TUBGCP3: variants seen among roughly 807,000 people sequenced by gnomAD.
TUBGCP3 encodes gamma-tubulin complex component 3.
A neutral mutation model predicts 123.1 loss-of-function variants in TUBGCP3; 50 were observed. The ratio of observed to expected loss-of-function variants is 0.41; its 90% CI spans 0.32 to 0.51. The LOEUF (loss-of-function observed/expected upper bound fraction) is 0.51. TUBGCP3 is among the 20% of genes least tolerant of loss of function. The pLI is 0.36. For missense variants in TUBGCP3, 882 were observed against 1,127.0 expected (o/e 0.78, Z 3.11); for synonymous variants, 405 against 413.9 (o/e 0.98, Z 0.26).
chr13:112,542,741 C>T (rs751588364), intron 11 of TUBGCP3, among the ~76,000 whole-genome samples: 9 of 152,090 alleles, frequency 5.9e-5, no homozygotes, highest in Non-Finnish European at 1.2e-4. Flanking sequence ...GATGGGTACA[C>T]AATAGGGGTA....
intron 5 of TUBGCP3, among the ~76,000 whole-genome samples, chr13:112,557,514 T>G (rs1880139375): frequency 6.6e-6 from 1 of 152,262 alleles, no homozygotes; most frequent in African/African-American, 2.4e-5. Flanking sequence ...TTAATGCGAT[T>G]TCCGGGAACC....
At chr13:112,573,532 T>G (rs573246978) in intron 1 of TUBGCP3, among the ~76,000 whole-genome samples, 1 of 152,016 alleles carries the variant, frequency 6.6e-6, no homozygotes, top group East Asian at 1.9e-4. Context: ...CAGGAAAAAA[T>G]CCAGGCTCTC....
chr13:112,547,125 C>T, intron 10 of TUBGCP3: 1 of 273,778 alleles, frequency 3.7e-6, no homozygotes, highest in Non-Finnish European at 6.8e-6. Context: ...GCAAGACATG[C>T]AAATATGGGA....
chr13:112,503,548 A>T (rs987014240), intron 19 of TUBGCP3, among the ~76,000 whole-genome samples: 1 of 151,972 alleles, frequency 6.6e-6, no homozygotes, highest in Non-Finnish European at 1.5e-5. Context: ...GTGTATTTTT[A>T]GTAGAGACAG....
In TUBGCP3 at chr13:112,524,058, C is replaced by T. The variant is rs1226949310; in HGVS notation, c.1556-1549G>A. ...AGCAGCGTCAGCAGCAGCAGCGCCCCGTCACCCTCAGCATCTGCAGGGGAC... is the reference window on the plus strand; with the variant it reads ...AGCAGCGTCAGCAGCAGCAGCGCCCTGTCACCCTCAGCATCTGCAGGGGAC... On this transcript the variant is annotated intron_variant, in intron 13 of 21. Coordinates refer to ENST00000261965, the MANE Select transcript of TUBGCP3 (RefSeq NM_006322.6). This position sits in a 1 kb window ranked among gnomAD's most constrained non-coding sequence, Gnocchi z 4.4. Among the ~76,000 whole-genome samples the T allele has an allele frequency of 6.6e-6, 1 of 152,150 alleles. No homozygotes were observed. Among genetic ancestry groups the T allele is most frequent in the African/African-American group, 2.4e-5 (1 of 41,428 alleles).
At chr13:112,523,533 G>C (rs573828945) in intron 13 of TUBGCP3, among the ~76,000 whole-genome samples, 2 of 152,306 alleles carry the variant, frequency 1.3e-5, no homozygotes, top group East Asian at 3.9e-4. Context: ...CGACACCACG[G>C]AACCCCTTGA....
intron 1 of TUBGCP3, 138 bp downstream of exon 1, chr13:112,587,767 A>G: frequency 1.5e-6 from 1 of 669,384 alleles, no homozygotes; most frequent in Non-Finnish European, 2.2e-6. Flanking sequence ...TCCGGGCCCC[A>G]CGTCCTCGGC....
At chr13:112,535,302 A>G (rs1296206733) in intron 11 of TUBGCP3, among the ~76,000 whole-genome samples, 2 of 152,196 alleles carry the variant, frequency 1.3e-5, no homozygotes, top group Non-Finnish European at 1.5e-5. Flanking sequence ...TTGGGTATAT[A>G]CCTAGGAGTA....
intron 11 of TUBGCP3, among the ~76,000 whole-genome samples, chr13:112,542,876 G>A (rs8000826): frequency 0.093 from 14,124 of 151,922 alleles, 1,749 homozygotes; most frequent in African/African-American, 0.27. Context: ...GGCCAGGCAC[G>A]GTGGCTCACG....
At chr13:112,506,745 T>A (rs1294314067) in intron 17 of TUBGCP3, among the ~76,000 whole-genome samples, 6 of 152,234 alleles carry the variant, frequency 3.9e-5, no homozygotes, top group Admixed American at 3.3e-4. Context: ...GTCTAAGATT[T>A]CAAATCAAAT....
intron 16 of TUBGCP3, 64 bp from the exon 17 acceptor site, chr13:112,516,639 T>G: frequency 1.5e-5 from 22 of 1,478,972 alleles, no homozygotes; most frequent in East Asian, 2.5e-5. Flanking sequence ...AGTACAGGTC[T>G]CAATCTTTTT....
chr13:112,562,221 C>T (rs935041328), intron 3 of TUBGCP3, among the ~76,000 whole-genome samples: 1 of 151,202 alleles, frequency 6.6e-6, no homozygotes, highest in African/African-American at 2.4e-5. Flanking sequence ...CACTAGGGAC[C>T]ACCACCAGCC....
intron 8 of TUBGCP3, among the ~76,000 whole-genome samples, chr13:112,549,059 A>C (rs1879313746): frequency 6.6e-6 from 1 of 152,220 alleles, no homozygotes; most frequent in African/African-American, 2.4e-5. Flanking sequence ...AGCACTATTC[A>C]CAATAGCAAA....
Position 112,519,141 on chromosome 13 carries a change from T to TA in TUBGCP3, c.1882-99dup. ...AAGCAGTAAAATAATGCCCAATTGT[T>TA]AAAAACTGCTCAACAGTTCTGAGTG... On this transcript the variant is annotated intron_variant, in intron 15 of 21. Coordinates refer to ENST00000261965, the MANE Select transcript of TUBGCP3 (RefSeq NM_006322.6). This position sits in a 1 kb window ranked among gnomAD's most constrained non-coding sequence, Gnocchi z 6.2. 4.3e-6 allele frequency: 4 copies of TA among 940,456 alleles called. No homozygotes were observed. Among genetic ancestry groups the TA allele is most frequent in the Non-Finnish European group, 6.9e-6 (4 of 581,766 alleles). 58.3% of individuals were successfully genotyped at this position (940,456 alleles called of 1,614,324 possible). A position where few individuals can be genotyped will look rare whatever the true frequency, so the allele number is the denominator to read the frequency against.
At chr13:112,512,427 CAAAAAA>C (rs35550857) in intron 17 of TUBGCP3, among the ~76,000 whole-genome samples, 2 of 39,458 alleles carry the variant, frequency 5.1e-5, no homozygotes, top group Non-Finnish European at 1.0e-4. Flanking sequence ...GACTCTGTCT[CAAAAAA>C]AAAAAAAAAA....
At chr13:112,551,885 G>T (rs548054078) in intron 8 of TUBGCP3, among the ~76,000 whole-genome samples, 2 of 152,126 alleles carry the variant, frequency 1.3e-5, no homozygotes, top group Admixed American at 6.5e-5. Context: ...GGGTGGGATG[G>T]GGGGGCAGAG....
intron 11 of TUBGCP3, among the ~76,000 whole-genome samples, chr13:112,543,228 G>A (rs1878680360): frequency 6.6e-6 from 1 of 152,134 alleles, no homozygotes; most frequent in Non-Finnish European, 1.5e-5. Flanking sequence ...AATGGAGGAA[G>A]GGGTTAAAAA....
chr13:112,568,665 C>T (rs1881169885), intron 2 of TUBGCP3, among the ~76,000 whole-genome samples: 1 of 152,260 alleles, frequency 6.6e-6, no homozygotes, highest in African/African-American at 2.4e-5. Context: ...GACCTTCGCG[C>T]AGGCCTCTTT....
chr13:112,496,401 C>A (rs1348871696), intron 20 of TUBGCP3, among the ~76,000 whole-genome samples: 1 of 152,232 alleles, frequency 6.6e-6, no homozygotes, highest in Non-Finnish European at 1.5e-5. Flanking sequence ...ACACCCAGGG[C>A]TCTGTCATCT....
Sources: gnomAD v4.1 joint callset for allele counts (sites outside exome capture counted in the v4.1 genomes callset) on GRCh38, gnomAD v4.1.1 for gene constraint, Gnocchi (gnomAD v3.1) non-coding constraint, MANE v1.5 for transcripts, NCBI Gene and HGNC (gene_info 2026-07-23, HGNC 2026-07-21) for gene names.